Variants in AFAP1L2 observed in about 807,000 individuals in gnomAD.
The protein encoded by AFAP1L2 is actin filament associated protein 1 like 2, also known as actin filament-associated protein 1-like 2.
In AFAP1L2, 46 loss-of-function variants were observed where a neutral mutation model predicts 99.3. That is an observed-to-expected ratio of 0.46 (90% confidence interval 0.37 to 0.59). The LOEUF (loss-of-function observed/expected upper bound fraction) is 0.59. Ranked by LOEUF, AFAP1L2 falls within the 20% of genes least tolerant of loss-of-function variation. AFAP1L2 has a pLI of 0.00. For synonymous variants in AFAP1L2, 397 were observed against 419.1 expected, an observed-to-expected ratio of 0.95 and a Z score of 0.64; for missense variants, 959 against 1,034.9, an observed-to-expected ratio of 0.93 and a Z score of 1.01.
intron 4 of AFAP1L2, among the ~76,000 whole-genome samples, chr10:114,326,574 ATATT>A (rs756030124): frequency 1.3e-5 from 2 of 152,198 alleles, no homozygotes; most frequent in Non-Finnish European, 2.9e-5. Flanking sequence ...CTCTCTACTT[ATATT>A]TATTTTGTCT....
intron 1 of AFAP1L2, among the ~76,000 whole-genome samples, chr10:114,372,827 A>G (rs1590674012): frequency 6.6e-6 from 1 of 152,154 alleles, no homozygotes; most frequent in Non-Finnish European, 1.5e-5. Flanking sequence ...TATTCTCTAC[A>G]TAAGATATTC....
At chr10:114,398,277 G>A (rs1320216906) in intron 1 of AFAP1L2, among the ~76,000 whole-genome samples, 1 of 152,092 alleles carries the variant, frequency 6.6e-6, no homozygotes, top group Non-Finnish European at 1.5e-5. Flanking sequence ...GGGCTAGGAT[G>A]TAGCTCTACA....
intron 1 of AFAP1L2, among the ~76,000 whole-genome samples, chr10:114,381,723 A>G (rs1166091656): frequency 6.6e-6 from 1 of 152,196 alleles, no homozygotes; most frequent in Non-Finnish European, 1.5e-5. Context: ...AAATAAATAT[A>G]AAACAAGTCA....
At chr10:114,367,218 G>T (rs2053408249) in intron 1 of AFAP1L2, among the ~76,000 whole-genome samples, 1 of 152,120 alleles carries the variant, frequency 6.6e-6, no homozygotes, top group Non-Finnish European at 1.5e-5. Flanking sequence ...CTTGACAAAA[G>T]GCAAGAAGAC....
chr10:114,311,288 G>A (rs957022314), intron 7 of AFAP1L2, among the ~76,000 whole-genome samples: 2 of 152,158 alleles, frequency 1.3e-5, no homozygotes, highest in Non-Finnish European at 2.9e-5. Context: ...CCTTCTTGCC[G>A]GGGGAACTCC....
In AFAP1L2 at chr10:114,304,910, T is replaced by G; in HGVS notation, c.1093A>C (p.Asn365His). Residue 365 changes from asparagine (N) to histidine (H), a missense_variant, in exon 11 of 19, where the codon AAC becomes CAC. Coordinates refer to ENST00000304129, the MANE Select transcript of AFAP1L2 (RefSeq NM_001001936.3). ...CACCAGCGAGACTTCCACTGGCTGT[T>G]CACCAGCACGTTCAGGTAACCTGCA... is the stretch of plus-strand genomic sequence containing the variant. ...ETSSYLNVLV[N>H]SQWKSRWCSV... The G allele has an allele frequency of 6.2e-7, 1 of 1,612,214 alleles. No homozygotes were observed.
the AFAP1L2 span, among the ~76,000 whole-genome samples, chr10:114,287,577 C>T: frequency 3.3e-5 from 5 of 152,148 alleles, no homozygotes; most frequent in East Asian, 1.9e-4. Flanking sequence ...CTCCCCAAGG[C>T]GAGAGGCTTT....
chr10:114,339,172 A>C (rs1306697306), intron 2 of AFAP1L2, among the ~76,000 whole-genome samples: 3 of 152,198 alleles, frequency 2.0e-5, no homozygotes, highest in Non-Finnish European at 4.4e-5. Flanking sequence ...AAAATACTTC[A>C]CTTAGGCCGG....
chr10:114,344,027 T>G lies in AFAP1L2; in HGVS notation c.17-3296A>C, dbSNP rs1420025872. ...GCAAAATTCCAACTCTTGCCTGAGA[T>G]AAAGTGAGGAGGGACCATAATCTAG... On this transcript the variant is annotated intron_variant, in intron 1 of 18. Coordinates refer to ENST00000304129, the MANE Select transcript of AFAP1L2 (RefSeq NM_001001936.3). Among the ~76,000 whole-genome samples the G allele has an allele frequency of 2.0e-5, 3 of 152,146 alleles. No individual in the cohort carries two copies. In the South Asian group the frequency reaches 6.2e-4, roughly 32 times the overall value.
rs1564793937 is a variant in AFAP1L2, at chr10:114,302,344, A to AGAG, written c.1422_1424dup (p.Ser475dup). ...GAAGGGTCCAAATTACTCACAAGAGAGAGTTTTTGGCCGCACTCACAATAC... is the reference window on the plus strand; with the variant it reads ...GAAGGGTCCAAATTACTCACAAGAGAGAGGAGTTTTTGGCCGCACTCACAATAC... On this transcript the variant is annotated inframe_insertion, in exon 12 of 19. Coordinates refer to ENST00000304129, the MANE Select transcript of AFAP1L2 (RefSeq NM_001001936.3). 1 of 1,614,088 alleles carries AGAG rather than the reference A, an allele frequency of 6.2e-7. No homozygotes were observed.
At chr10:114,308,659 C>A in intron 8 of AFAP1L2, 142 bp from the exon 9 acceptor site, 1 of 692,622 alleles carries the variant, frequency 1.4e-6, no homozygotes, top group Non-Finnish European at 2.4e-6. Context: ...ACCTAAACGG[C>A]AGAATCCAGG....
chr10:114,398,771 G>C, intron 1 of AFAP1L2: 3 of 1,236,204 alleles, frequency 2.4e-6, no homozygotes. Context: ...CCAGAGCATG[G>C]GCAGAGCCAG....
rs1349572478 is a variant in AFAP1L2, at chr10:114,302,374, G to T, written c.1395C>A (p.Val465=). 8.7e-6 allele frequency: 14 copies of T among 1,614,044 alleles called. No individual in the cohort carries two copies. The highest frequency in any genetic ancestry group is 1.2e-5 in the Non-Finnish European group (14 of 1,180,042). The change falls in exon 12 of 19, where the codon GTC becomes GTA. Residue 465 remains valine (V), a synonymous_variant. Transcript: ENST00000304129. ...FTYDYVDADR[V]SCIVSAAKNS... is the part of the protein sequence containing the mutation. ...TTTTGGCCGCACTCACAATACAGGA[G>T]ACCCTATCGGCATCCACATAGTCGT...
At chr10:114,371,591 C>T (rs1690429282) in intron 1 of AFAP1L2, among the ~76,000 whole-genome samples, 3 of 151,446 alleles carry the variant, frequency 2.0e-5, no homozygotes, top group Admixed American at 1.3e-4. Context: ...TGTTCTCACT[C>T]ATAAGTGGGA....
At position 114,299,423 on chromosome 10, in the gene AFAP1L2, C is replaced by T. The variant is rs2040766821; in HGVS notation, c.1958-8G>A. ...TCTTGCCAAGCTTGATCTCTACAGA[C>T]CCAGAGAGGGAAGCCCCAGGTAAGC... is the stretch of plus-strand genomic sequence containing the variant. On this transcript the variant is annotated splice_region_variant and splice_polypyrimidine_tract_variant and intron_variant, in intron 15 of 18. Coordinates refer to ENST00000304129, the MANE Select transcript of AFAP1L2 (RefSeq NM_001001936.3). The T allele has an allele frequency of 6.2e-7, 1 of 1,613,782 alleles. No individual in the cohort carries two copies. The highest frequency in any genetic ancestry group is 1.7e-5 in the Admixed American group (1 of 59,996).
chr10:114,397,547 T>C (rs2057840560), intron 1 of AFAP1L2, among the ~76,000 whole-genome samples: 1 of 152,130 alleles, frequency 6.6e-6, no homozygotes. Flanking sequence ...TACTAAAGCT[T>C]AGGTCCGGTA....
At chr10:114,341,662 CAG>C (rs886953880) in intron 1 of AFAP1L2, among the ~76,000 whole-genome samples, 1 of 151,944 alleles carries the variant, frequency 6.6e-6, no homozygotes, top group Admixed American at 6.6e-5. Context: ...CCTGGTTCCT[CAG>C]AAGCCCTACC....
At chr10:114,303,576 G>C (rs1217513913) in intron 11 of AFAP1L2, among the ~76,000 whole-genome samples, 2 of 152,208 alleles carry the variant, frequency 1.3e-5, no homozygotes, top group Non-Finnish European at 2.9e-5. Context: ...CAAAGTGCTG[G>C]GGTTACAGGC....
the AFAP1L2 span, chr10:114,284,796 C>T: frequency 2.7e-6 from 4 of 1,469,162 alleles, no homozygotes; most frequent in East Asian, 2.6e-5. Flanking sequence ...GCACCCACAC[C>T]TCTGGCCAGT....
Sources: allele counts gnomAD v4.1 joint callset (sites outside exome capture counted in the v4.1 genomes callset), GRCh38; gene constraint gnomAD v4.1.1; transcripts MANE v1.5; gene names NCBI Gene and HGNC (gene_info 2026-07-23, HGNC 2026-07-21).